The following REDIC1 variants were observed in gnomAD, a reference collection of about 807,000 sequenced individuals.
REDIC1 encodes regulator of DNA class I crossover intermediates 1, also known as HEI10 Interacting Protein 1.
the REDIC1 span, chr12:39,872,047 G>GA: frequency 7.6e-6 from 9 of 1,190,608 alleles, no homozygotes; most frequent in Non-Finnish European, 1.0e-5. Flanking sequence ...TATTCAATTT[G>GA]AAAAAAATAT....
the REDIC1 span, among the ~76,000 whole-genome samples, chr12:39,630,527 T>C: frequency 1.1e-4 from 17 of 152,314 alleles, no homozygotes; most frequent in East Asian, 3.3e-3. Context: ...AAGTACAAAG[T>C]AACTGAAATT....
chr12:39,662,070 T>G, the REDIC1 span, among the ~76,000 whole-genome samples: 1 of 151,994 alleles, frequency 6.6e-6, no homozygotes, highest in Non-Finnish European at 1.5e-5. Context: ...ATTTTGAAGT[T>G]GGGTAGTGTG....
chr12:39,665,700 C>A, the REDIC1 span, among the ~76,000 whole-genome samples: 101 of 147,626 alleles, frequency 6.8e-4, no homozygotes, highest in Non-Finnish European at 9.9e-4. Flanking sequence ...TCTTCCTACC[C>A]ATGAGCATGG....
At chr12:39,742,211 G>C in the REDIC1 span, among the ~76,000 whole-genome samples, 1 of 152,140 alleles carries the variant, frequency 6.6e-6, no homozygotes, top group Non-Finnish European at 1.5e-5. Context: ...GTAGCAGTCA[G>C]TACAGTGACT....
At chr12:39,781,182 A>C in the REDIC1 span, among the ~76,000 whole-genome samples, 3 of 152,340 alleles carry the variant, frequency 2.0e-5, no homozygotes, top group Non-Finnish European at 4.4e-5. Context: ...AAACTGAGAA[A>C]ATCTATCTCA....
the REDIC1 span, among the ~76,000 whole-genome samples, chr12:39,712,867 GT>G: frequency 7.3e-5 from 1 of 13,708 alleles, no homozygotes; most frequent in Non-Finnish European, 5.2e-4. Context: ...GTATATACAC[GT>G]ATATACACGT....
chr12:39,734,652 CTTAA>C, the REDIC1 span, among the ~76,000 whole-genome samples: 3 of 152,170 alleles, frequency 2.0e-5, no homozygotes, highest in South Asian at 2.1e-4. Context: ...ACTACTCTTT[CTTAA>C]TTAACTTTGC....
At chr12:39,709,286 C>A in the REDIC1 span, among the ~76,000 whole-genome samples, 25 of 148,424 alleles carry the variant, frequency 1.7e-4, no homozygotes, top group South Asian at 5.3e-3. Context: ...TTTGATGAAT[C>A]AGTAATTTGG....
At chr12:39,829,958 C>A in the REDIC1 span, 1 of 1,010,228 alleles carries the variant, frequency 9.9e-7, no homozygotes, top group Non-Finnish European at 1.5e-6. Flanking sequence ...TTTGCATCCA[C>A]TATCACCAGT....
the REDIC1 span, among the ~76,000 whole-genome samples, chr12:39,748,573 T>G: frequency 6.6e-6 from 1 of 152,154 alleles, no homozygotes; most frequent in Non-Finnish European, 1.5e-5. Flanking sequence ...GCAGACCTAA[T>G]AGACATCTAC....
the REDIC1 span, among the ~76,000 whole-genome samples, chr12:39,730,295 C>T: frequency 3.9e-5 from 6 of 152,098 alleles, no homozygotes; most frequent in Admixed American, 6.5e-5. Flanking sequence ...TGGCTGCTAC[C>T]GGTTTCTCCT....
chr12:39,668,178 T>C, the REDIC1 span, among the ~76,000 whole-genome samples: 1 of 152,204 alleles, frequency 6.6e-6, no homozygotes, highest in Non-Finnish European at 1.5e-5. Context: ...TCTTTACAAT[T>C]AGGCATGTTT....
the REDIC1 span, among the ~76,000 whole-genome samples, chr12:39,717,918 A>G: frequency 3.3e-5 from 5 of 150,574 alleles, no homozygotes; most frequent in African/African-American, 1.2e-4. Flanking sequence ...AGTGGTATAT[A>G]TTAGCTCTTT....
chr12:39,712,399 T>C, the REDIC1 span, among the ~76,000 whole-genome samples: 1 of 135,034 alleles, frequency 7.4e-6, no homozygotes, highest in East Asian at 2.2e-4. Flanking sequence ...TACCTGTATG[T>C]ATATATACAT....
chr12:39,903,024 C>T, the REDIC1 span, among the ~76,000 whole-genome samples: 819 of 152,206 alleles, frequency 5.4e-3, 5 homozygotes, highest in Middle Eastern at 0.01. Flanking sequence ...AATTACTGTG[C>T]TCAGGAGATG....
At chr12:39,882,063 A>G in the REDIC1 span, among the ~76,000 whole-genome samples, 1 of 151,574 alleles carries the variant, frequency 6.6e-6, no homozygotes, top group Non-Finnish European at 1.5e-5. Flanking sequence ...CACTGACATA[A>G]TATGTCACTC....
At chr12:39,826,864 T>TTTTTTTTTTTTTTTTTTTTTTTTTC in the REDIC1 span, among the ~76,000 whole-genome samples, 4 of 143,508 alleles carry the variant, frequency 2.8e-5, no homozygotes, top group Non-Finnish European at 6.1e-5. Context: ...ATTTTTTTTT[T>TTTTTTTTTTTTTTTTTTTTTTTTTC]TTTTTTTTGC....
At chr12:39,733,689 C>T in the REDIC1 span, among the ~76,000 whole-genome samples, 1 of 152,174 alleles carries the variant, frequency 6.6e-6, no homozygotes, top group Non-Finnish European at 1.5e-5. Flanking sequence ...TTTCCTGTGG[C>T]TTTGTTTACA....
the REDIC1 span, chr12:39,716,741 A>T: frequency 6.4e-7 from 1 of 1,572,904 alleles, no homozygotes; most frequent in Non-Finnish European, 8.7e-7. Flanking sequence ...TCATGTATTA[A>T]ACCTTTATTT....
Sources: allele counts gnomAD v4.1 joint callset (sites outside exome capture counted in the v4.1 genomes callset), GRCh38; gene constraint gnomAD v4.1.1; transcripts MANE v1.5; gene names NCBI Gene and HGNC (gene_info 2026-07-23, HGNC 2026-07-21).